DDX6: variants seen among roughly 807,000 people sequenced by gnomAD.
The protein encoded by DDX6 is DEAD-box helicase 6, also known as probable ATP-dependent RNA helicase DDX6.
A neutral mutation model predicts 60.6 loss-of-function variants in DDX6; 7 were observed. The observed-to-expected ratio is 0.12, with a 90% CI of 0.07 to 0.22. The LOEUF (loss-of-function observed/expected upper bound fraction) is 0.22, where lower values mean the gene tolerates loss of function less well. DDX6 is among the 10% of genes least tolerant of loss of function. The probability of loss-of-function intolerance (pLI) is 1.00; values close to 1 mark genes in which losing one functional copy is unlikely to be tolerated. For synonymous variants in DDX6, 207 were observed against 201.0 expected (o/e 1.03, Z -0.25); for missense variants, 270 against 589.9 (o/e 0.46, Z 5.62).
rs1270793751 is a variant in DDX6 at position 118,750,378 on chromosome 11, C to T, written c.*1727G>A. 1 of 152,120 alleles carries T rather than the reference C, an allele frequency of 6.6e-6. No individual in the cohort carries two copies. The highest frequency in any genetic ancestry group is 6.5e-5 in the Admixed American group (1 of 15,272). 9.4% of individuals were successfully genotyped at this position (152,120 alleles called of 1,614,324 possible). On this transcript the variant is annotated 3_prime_UTR_variant, in exon 14 of 14. Coordinates refer to ENST00000534980, the MANE Select transcript of DDX6 (RefSeq NM_004397.6). Reference sequence around the variant, plus strand: ...TAAAGCAACACTATTGACTGTAAAGCATCTGCCAGCAATTTACAGTGCAAA... The same window carrying T: ...TAAAGCAACACTATTGACTGTAAAGTATCTGCCAGCAATTTACAGTGCAAA...
Position 118,751,879 on chromosome 11 carries a change from T to C in DDX6, c.*226A>G, listed in dbSNP as rs1173748692. 6.8e-6 allele frequency: 3 copies of C among 437,984 alleles called. No homozygotes were observed. The highest frequency in any genetic ancestry group is 1.4e-5 in the Non-Finnish European group (3 of 219,456). 27.1% of individuals were successfully genotyped at this position (437,984 alleles called of 1,614,324 possible). ...TTTAAAAACCAGCAGTTAGTGCAAC[T>C]AATGTTCAGTCAGCACACAGTGCAA... On this transcript the variant is annotated 3_prime_UTR_variant, in exon 14 of 14. Coordinates refer to ENST00000534980, the MANE Select transcript of DDX6 (RefSeq NM_004397.6).
chr11:118,779,472 A>G (rs1555164236), intron 4 of DDX6, among the ~76,000 whole-genome samples, 160 bp downstream of exon 4: 1 of 152,240 alleles, frequency 6.6e-6, no homozygotes, highest in African/African-American at 2.4e-5. Flanking sequence ...TTAGAGTTGT[A>G]AAAGCCATGA....
At chr11:118,753,819 T>C (rs1480419213) in intron 13 of DDX6, among the ~76,000 whole-genome samples, 1 of 152,062 alleles carries the variant, frequency 6.6e-6, no homozygotes, top group Admixed American at 6.6e-5. Flanking sequence ...GCTGGCAGTG[T>C]GGTGGCTCAC....
Position 118,781,176 on chromosome 11 carries a change from T to C in DDX6, c.209A>G (p.Asp70Gly). Residue 70 changes from aspartate (D) to glycine (G), a missense_variant, in exon 3 of 14, where the codon GAT (aspartate) becomes GGT (glycine). Around this residue, in one of 8 missense-constraint regions of DDX6, gnomAD observed 102 missense variants for 110.5 expected, o/e 0.92. Transcript: ENST00000534980. Reference sequence around the variant, plus strand: ...GAGTTTTAAAGTCTTTTTCCAGTCATCACCAGGTCTAGAGAGAATACAGTA... The same window carrying C: ...GAGTTTTAAAGTCTTTTTCCAGTCACCACCAGGTCTAGAGAGAATACAGTA... Reference protein sequence around the residue: ...QSMTTTIKPGDDWKKTLKLPP... With the variant: ...QSMTTTIKPGGDWKKTLKLPP... 6.2e-7 allele frequency: 1 copy of C among 1,601,914 alleles called. No homozygotes were observed.
chr11:118,765,802 TA>T (rs1206687064), intron 5 of DDX6, among the ~76,000 whole-genome samples: 2 of 149,644 alleles, frequency 1.3e-5, no homozygotes, highest in Non-Finnish European at 3.0e-5. Flanking sequence ...AAAAATAGCC[TA>T]GGCACGGTGG....
At chr11:118,764,673 G>A (rs547028377) in intron 6 of DDX6, among the ~76,000 whole-genome samples, 15 of 151,864 alleles carry the variant, frequency 9.9e-5, no homozygotes, top group African/African-American at 3.1e-4. Context: ...GCGTGGTAGC[G>A]GGAGCCTGTA....
At position 118,759,942 on chromosome 11, in the gene DDX6, G is replaced by C. The variant is rs1822208256; in HGVS notation, c.844C>G (p.Leu282Val). Reference sequence around the variant, plus strand: ...CTCACCATGAACTTCTGTACACTAAGAGGGAAAGTAGCGGAATATAGTAAA... The same window carrying C: ...CTCACCATGAACTTCTGTACACTAACAGGGAAAGTAGCGGAATATAGTAAA... ...QILLYSATFPLSVQKFMNSHL... is the reference protein window; with the variant it reads ...QILLYSATFPVSVQKFMNSHL... Residue 282 changes from leucine (L) to valine (V), a missense_variant, in exon 8 of 14, where the codon CTT (leucine) becomes GTT (valine). By Grantham distance (32) the Leu-to-Val change is conservative (BLOSUM62 1). Transcript: ENST00000534980. The C allele has an allele frequency of 5.6e-6, 9 of 1,613,540 alleles. No individual in the cohort carries two copies. The highest frequency in any genetic ancestry group is 7.6e-6 in the Non-Finnish European group (9 of 1,179,814).
intron 1 of DDX6, chr11:118,786,756 G>C (rs912553094): frequency 6.4e-6 from 1 of 155,226 alleles, no homozygotes; most frequent in Admixed American, 6.5e-5. Flanking sequence ...CAGAGATTAA[G>C]TAGAAAGAGA....
chr11:118,764,907 CCCA>C (rs1555161015), intron 6 of DDX6, among the ~76,000 whole-genome samples: 2 of 151,846 alleles, frequency 1.3e-5, no homozygotes, highest in African/African-American at 4.8e-5. Context: ...AGTTTACACC[CCCA>C]CATTTACAAT....
intron 8 of DDX6, 102 bp from the exon 9 acceptor site, chr11:118,759,004 T>A (rs1255814336): frequency 6.9e-7 from 1 of 1,455,806 alleles, no homozygotes; most frequent in East Asian, 2.3e-5. Context: ...GATAAACTCT[T>A]GCTGTAAGGG....
chr11:118,765,161 G>A lies in DDX6; in HGVS notation c.646+48C>T, dbSNP rs781971506. Reference sequence around the variant, plus strand: ...TTTAATAATTTACTGAAATACTTGTGACTAAAATAACAGAGAGCTACACTA... The same window carrying A: ...TTTAATAATTTACTGAAATACTTGTAACTAAAATAACAGAGAGCTACACTA... On this transcript the variant is annotated intron_variant, in intron 6 of 13. Coordinates refer to ENST00000534980, the MANE Select transcript of DDX6 (RefSeq NM_004397.6). The A allele has an allele frequency of 3.0e-5, 47 of 1,579,886 alleles. No individual in the cohort carries two copies. In the South Asian group the frequency reaches 4.6e-4, roughly 15 times the overall value.
At chr11:118,765,140 A>G in intron 6 of DDX6, 69 bp downstream of exon 6, 1 of 1,552,356 alleles carries the variant, frequency 6.4e-7, no homozygotes, top group Middle Eastern at 2.4e-4. Context: ...ACAATTTTTA[A>G]TAATTTACTG....
rs1480520790 is a variant in DDX6 at position 118,748,631 on chromosome 11, C to A, written c.*3474G>T. 1 of 151,990 alleles carries A rather than the reference C, an allele frequency of 6.6e-6. No homozygotes were observed. Among genetic ancestry groups the A allele is most frequent in the Non-Finnish European group, 1.5e-5 (1 of 68,016 alleles). 9.4% of individuals were successfully genotyped at this position (151,990 alleles called of 1,614,324 possible). A position where few individuals can be genotyped will look rare whatever the true frequency, so the allele number is the denominator to read the frequency against. Reference sequence around the variant, plus strand: ...TTTTTTTGTTACTCATCTAGAAGGTCAGGAGTGTGGCTAAAGGCAGTTTCT... The same window carrying A: ...TTTTTTTGTTACTCATCTAGAAGGTAAGGAGTGTGGCTAAAGGCAGTTTCT... On this transcript the variant is annotated 3_prime_UTR_variant, in exon 14 of 14. Transcript: ENST00000534980.
intron 2 of DDX6, among the ~76,000 whole-genome samples, chr11:118,784,008 A>T (rs976537478): frequency 3.4e-5 from 5 of 148,234 alleles, no homozygotes; most frequent in Admixed American, 2.8e-4. Context: ...GGATCACTTG[A>T]GCCTGGGAAG....
chr11:118,763,124 A>C, intron 7 of DDX6, 88 bp downstream of exon 7: 1 of 835,600 alleles, frequency 1.2e-6, no homozygotes, highest in South Asian at 1.8e-5. Flanking sequence ...GATCATAAAC[A>C]CAAGCAGCTT....
intron 10 of DDX6, 73 bp downstream of exon 10, chr11:118,757,098 T>C (rs1861003083): frequency 1.2e-6 from 1 of 834,990 alleles, no homozygotes. Flanking sequence ...TCAGGACATT[T>C]AAAAGAACAT....
chr11:118,768,190 T>G (rs1555161657), intron 5 of DDX6, 33 bp downstream of exon 5: 1 of 1,600,804 alleles, frequency 6.2e-7, no homozygotes, highest in East Asian at 2.2e-5. Flanking sequence ...AACTCCCATT[T>G]TTAGTTTAAA....
chr11:118,774,568 T>C (rs1248631404), intron 4 of DDX6, among the ~76,000 whole-genome samples: 1 of 145,128 alleles, frequency 6.9e-6, no homozygotes, highest in Non-Finnish European at 1.5e-5. Context: ...CTCCTGAACA[T>C]CTAAGACTAC....
intron 6 of DDX6, among the ~76,000 whole-genome samples, chr11:118,764,591 T>G (rs545162099): frequency 6.6e-6 from 1 of 152,032 alleles, no homozygotes; most frequent in South Asian, 2.1e-4. Context: ...GATCACGAGG[T>G]CAGGAGATCG....
Sources: allele counts gnomAD v4.1 joint callset (sites outside exome capture counted in the v4.1 genomes callset), GRCh38; gene constraint gnomAD v4.1.1; regional missense constraint gnomAD v4.1.1; transcripts MANE v1.5; gene names NCBI Gene and HGNC (gene_info 2026-07-23, HGNC 2026-07-21).